The following KCTD3 variants were observed in gnomAD, a reference collection of about 807,000 sequenced individuals.
The protein encoded by KCTD3 is potassium channel tetramerization domain containing 3.
In KCTD3, 41 loss-of-function variants were observed where a neutral mutation model predicts 85.8. That is an observed-to-expected ratio of 0.48 (90% CI 0.37 to 0.62). The LOEUF (loss-of-function observed/expected upper bound fraction) is 0.62, where lower values mean the gene tolerates loss of function less well. Among genes scored for constraint, KCTD3 ranks in the 20% least tolerant of loss-of-function variants. The pLI, the probability that KCTD3 is intolerant of heterozygous loss-of-function variation, is 0.00. For missense variants in KCTD3, 724 were observed against 989.9 expected (o/e 0.73, Z 3.60); for synonymous variants, 338 against 345.4 (o/e 0.98, Z 0.24).
intron 10 of KCTD3, among the ~76,000 whole-genome samples, chr1:215,599,312 A>T (rs1355649732): frequency 6.6e-6 from 1 of 152,204 alleles, no homozygotes; most frequent in African/African-American, 2.4e-5. Context: ...GGTAAATACG[A>T]TGGTAAATTT....
intron 8 of KCTD3, among the ~76,000 whole-genome samples, 198 bp downstream of exon 8, chr1:215,580,197 A>G (rs1332554622): frequency 6.6e-6 from 1 of 152,200 alleles, no homozygotes; most frequent in East Asian, 1.9e-4. Context: ...TGTTTCTGAT[A>G]GCCTTTATCT....
intron 15 of KCTD3, 83 bp from the exon 16 acceptor site, chr1:215,618,803 T>G: frequency 9.6e-7 from 1 of 1,039,082 alleles, no homozygotes; most frequent in Non-Finnish European, 1.4e-6. Flanking sequence ...TTTGCTTTCT[T>G]TCTTTCTGTC....
chr1:215,611,993 G>A, intron 15 of KCTD3, 72 bp downstream of exon 15: 4 of 985,896 alleles, frequency 4.1e-6, no homozygotes, highest in Non-Finnish European at 1.6e-6. Flanking sequence ...GGCATAATTT[G>A]ACATATTGAC....
intron 13 of KCTD3, among the ~76,000 whole-genome samples, chr1:215,605,217 T>C (rs1301435967): frequency 6.6e-6 from 1 of 152,180 alleles, no homozygotes; most frequent in East Asian, 1.9e-4. Flanking sequence ...GGCTAGAAGA[T>C]AATGCATCTT....
chr1:215,571,711 A>G (rs2102551228), intron 1 of KCTD3, among the ~76,000 whole-genome samples: 1 of 145,874 alleles, frequency 6.9e-6, no homozygotes, highest in African/African-American at 2.6e-5. Flanking sequence ...GCTCACTGCC[A>G]GCTCCACCTC....
At chr1:215,605,106 A>G (rs1474999624) in intron 13 of KCTD3, among the ~76,000 whole-genome samples, 1 of 152,198 alleles carries the variant, frequency 6.6e-6, no homozygotes. Context: ...CTTGCTTTCT[A>G]GAGGAGTCTT....
chr1:215,576,286 T>C lies in KCTD3; in HGVS notation c.257+312T>C, dbSNP rs117699637. Among the ~76,000 whole-genome samples, 1,178 of 151,986 alleles carry C rather than the reference T, an allele frequency of 7.8e-3. 24 individuals are homozygous for C. The highest frequency in any genetic ancestry group is 0.067 in the South Asian group (323 of 4,798). ...GTTTCACTGTGTTGCCCAGGCTGAT[T>C]GCAAACGCCTGAGCTCAGGCAGTCT... On this transcript the variant is annotated intron_variant, in intron 4 of 17. Coordinates refer to ENST00000259154, the MANE Select transcript of KCTD3 (RefSeq NM_016121.5).
intron 14 of KCTD3, among the ~76,000 whole-genome samples, chr1:215,611,093 C>A (rs935336531): frequency 3.3e-5 from 5 of 151,780 alleles, no homozygotes; most frequent in Non-Finnish European, 7.4e-5. Flanking sequence ...AAGTTTTAAA[C>A]AAAAACTTTT....
chr1:215,573,720 A>G (rs1659460253), intron 1 of KCTD3, 66 bp from the exon 2 acceptor site: 1 of 919,242 alleles, frequency 1.1e-6, no homozygotes, highest in Admixed American at 2.0e-5. Flanking sequence ...TATTAAAACA[A>G]GTTAACTAAT....
intron 8 of KCTD3, chr1:215,580,905 A>G (rs1018444242): frequency 2.2e-6 from 1 of 455,070 alleles, no homozygotes; most frequent in African/African-American, 2.1e-5. Flanking sequence ...AGTGCTGTTT[A>G]TATCAGTAAT....
intron 1 of KCTD3, among the ~76,000 whole-genome samples, chr1:215,572,304 CT>C (rs1659398664): frequency 6.6e-6 from 1 of 152,274 alleles, no homozygotes; most frequent in African/African-American, 2.4e-5. Flanking sequence ...TCCTCTCTGG[CT>C]TTAAGAAAAA....
rs1184331117 is a variant in KCTD3 at position 215,608,093 on chromosome 1, T to C, written c.1386T>C (p.Ser462=). Residue 462 remains serine, a synonymous_variant, in exon 14 of 18, where the codon TCT becomes TCC. Transcript: ENST00000259154. ...GAATGATCTCTACTCAGCCAGGTTC[T>C]ACTCCTTTAGCGTCATTCAAGATAC... The part of the protein sequence containing the change: ...FRGMISTQPG[S]TPLASFKILS... 10 of 1,612,104 alleles carry C rather than the reference T, an allele frequency of 6.2e-6. No homozygotes were observed. Among genetic ancestry groups the C allele is most frequent in the Non-Finnish European group, 8.5e-6 (10 of 1,178,602 alleles).
chr1:215,594,155 C>T (rs1009846113), intron 9 of KCTD3, among the ~76,000 whole-genome samples: 3 of 152,026 alleles, frequency 2.0e-5, no homozygotes, highest in Admixed American at 2.0e-4. Flanking sequence ...CCATCATGCC[C>T]GGCCGATTAT....
Position 215,578,067 on chromosome 1 carries a change from A to G in KCTD3, c.383A>G (p.Tyr128Cys). 6.2e-7 allele frequency: 1 copy of G among 1,611,214 alleles called. No homozygotes were observed. Reference protein sequence around the residue: ...SSCGSVLFHGYLPPPGIPSRK... With the variant: ...SSCGSVLFHGCLPPPGIPSRK... Reference sequence around the variant, plus strand: ...TGTGGCAGTGTCCTTTTTCATGGTTACTTGCCCCCACCAGGTATTTTCACT... The same window carrying G: ...TGTGGCAGTGTCCTTTTTCATGGTTGCTTGCCCCCACCAGGTATTTTCACT... Residue 128 changes from tyrosine (Y) to cysteine (C), a missense_variant, in exon 6 of 18, where the codon TAC becomes TGC. This residue lies in a region of KCTD3 where 106 missense variants were observed against 98.2 expected (regional missense o/e 1.08). Coordinates refer to ENST00000259154, the MANE Select transcript of KCTD3 (RefSeq NM_016121.5).
At chr1:215,603,336 T>C (rs1654903301) in intron 12 of KCTD3, among the ~76,000 whole-genome samples, 1 of 152,136 alleles carries the variant, frequency 6.6e-6, no homozygotes, top group South Asian at 2.1e-4. Flanking sequence ...ATGAATCAGT[T>C]AGTAAAACTA....
At chr1:215,574,874 A>G (rs1433368064) in intron 3 of KCTD3, among the ~76,000 whole-genome samples, 1 of 152,228 alleles carries the variant, frequency 6.6e-6, no homozygotes, top group African/African-American at 2.4e-5. Flanking sequence ...TGATTTACAT[A>G]AGCTTTAAAA....
At chr1:215,577,833 C>A in intron 5 of KCTD3, 105 bp downstream of exon 5, 1 of 1,281,064 alleles carries the variant, frequency 7.8e-7, no homozygotes, top group Non-Finnish European at 1.1e-6. Flanking sequence ...TGGACTTGTT[C>A]AGTGCTTAGT....
chr1:215,590,080 C>G (rs1074255), intron 9 of KCTD3, among the ~76,000 whole-genome samples: 1,557 of 152,192 alleles, frequency 0.01, 33 homozygotes, highest in African/African-American at 0.036. Context: ...TTCTCCACAT[C>G]CTAATCAACA....
chr1:215,612,352 A>G (rs748638779), intron 15 of KCTD3, among the ~76,000 whole-genome samples: 3 of 152,202 alleles, frequency 2.0e-5, no homozygotes, highest in Non-Finnish European at 4.4e-5. Flanking sequence ...TAAAAATGAT[A>G]TTAATAACAC....
Sources: allele counts gnomAD v4.1 joint callset (sites outside exome capture counted in the v4.1 genomes callset), GRCh38; gene constraint gnomAD v4.1.1; regional missense constraint gnomAD v4.1.1; transcripts MANE v1.5; gene names NCBI Gene and HGNC (gene_info 2026-07-23, HGNC 2026-07-21).